NCK1: variants seen among roughly 807,000 people sequenced by gnomAD.
NCK1 encodes the protein NCK adaptor protein 1.
In NCK1, 19 loss-of-function variants were observed where a neutral mutation model predicts 36.6. The ratio of observed to expected loss-of-function variants is 0.52; its 90% CI spans 0.36 to 0.76. The LOEUF (loss-of-function observed/expected upper bound fraction) is 0.76. Ranked by LOEUF, NCK1 falls within the 30% of genes least tolerant of loss-of-function variation. The pLI is 0.00. For missense variants in NCK1, 358 were observed against 445.6 expected (o/e 0.80, Z 1.77); for synonymous variants, 165 against 156.0 (o/e 1.06, Z -0.43).
chr3:136,867,100 C>G (rs1261030325), intron 1 of NCK1, among the ~76,000 whole-genome samples: 2 of 38,792 alleles, frequency 5.2e-5, no homozygotes, highest in African/African-American at 1.8e-4. Context: ...TTCTTTCTTT[C>G]TTTCTTTCTT....
intron 1 of NCK1, among the ~76,000 whole-genome samples, chr3:136,864,965 GTT>G (rs1286640780): frequency 9.6e-6 from 1 of 104,458 alleles, no homozygotes; most frequent in Non-Finnish European, 2.1e-5. Flanking sequence ...TCTTTTGTTT[GTT>G]TTTTTTTTTG....
intron 1 of NCK1, among the ~76,000 whole-genome samples, chr3:136,901,050 A>G (rs968940899): frequency 2.9e-4 from 44 of 152,154 alleles, no homozygotes; most frequent in African/African-American, 1.0e-3. Flanking sequence ...CTGTTGTCAT[A>G]TATGACCTTT....
At position 136,948,954 on chromosome 3, in the gene NCK1, A is replaced by T. The variant is rs1284584491; in HGVS notation, c.*501A>T. ...AAATTAGAAATTATTTCCAGGTATTATATTTGTCACAGGCCATTGTAAATA... is the reference window on the plus strand; with the variant it reads ...AAATTAGAAATTATTTCCAGGTATTTTATTTGTCACAGGCCATTGTAAATA... On this transcript the variant is annotated 3_prime_UTR_variant, in exon 4 of 4. Coordinates refer to ENST00000481752, the MANE Select transcript of NCK1 (RefSeq NM_001291999.2). The T allele has an allele frequency of 6.6e-6, 1 of 152,480 alleles. No individual in the cohort carries two copies. Among genetic ancestry groups the T allele is most frequent in the Non-Finnish European group, 1.5e-5 (1 of 67,918 alleles). The allele number at this position is 152,480 out of a possible 1,614,324, so 9.4% of individuals were successfully genotyped here.
At chr3:136,940,160 G>A (rs1327077352) in intron 2 of NCK1, among the ~76,000 whole-genome samples, 1 of 152,128 alleles carries the variant, frequency 6.6e-6, no homozygotes, top group East Asian at 1.9e-4. Context: ...ACTGTGCCTG[G>A]CCTATTGAGC....
chr3:136,908,341 T>G (rs755386281), intron 1 of NCK1, among the ~76,000 whole-genome samples: 4 of 152,194 alleles, frequency 2.6e-5, no homozygotes, highest in African/African-American at 7.2e-5. Context: ...TATGCCTGGT[T>G]TAAATACAAA....
intron 1 of NCK1, among the ~76,000 whole-genome samples, chr3:136,923,019 T>C (rs1213054799): frequency 6.6e-6 from 1 of 152,138 alleles, no homozygotes; most frequent in African/African-American, 2.4e-5. Context: ...AAAGGAAGTC[T>C]CATGTGCTGC....
rs1940659161 is a variant in NCK1, at chr3:136,941,065, T to C, written c.227-4518T>C. On this transcript the variant is annotated intron_variant, in intron 2 of 3. Transcript: ENST00000481752. ...CTGCTATTTTGCTGTTTTCATTTACTTTTTTTTCTTTCAATTCTTCTATTA... is the reference window on the plus strand; with the variant it reads ...CTGCTATTTTGCTGTTTTCATTTACCTTTTTTTCTTTCAATTCTTCTATTA... Among the ~76,000 whole-genome samples, 3 of 151,804 alleles carry C rather than the reference T, an allele frequency of 2.0e-5. No homozygotes were observed. The South Asian group carries it at 6.2e-4, about 32-fold the overall frequency.
chr3:136,869,343 T>A (rs1938540568), intron 1 of NCK1, among the ~76,000 whole-genome samples: 2 of 152,208 alleles, frequency 1.3e-5, no homozygotes, highest in Admixed American at 6.5e-5. Context: ...TCCCAGGAGT[T>A]CGAGACCAGC....
rs1223798209 is a variant in NCK1 at position 136,867,129 on chromosome 3, TTTCC to T, written c.-19+4824_-19+4827del. Among the ~76,000 whole-genome samples, 56 of 30,684 alleles carry T rather than the reference TTTCC, an allele frequency of 1.8e-3. 3 individuals are homozygous for T. The highest frequency in any genetic ancestry group is 5.9e-3 in the African/African-American group (52 of 8,844). 20.1% of individuals were successfully genotyped at this position (30,684 alleles called of 152,430 possible). ...CTTTCTTTCTTTCTTTGTTTCTTTC[TTTCC>T]TTCCTTCCTTCCTTCCTTCCTTCCT... On this transcript the variant is annotated intron_variant, in intron 1 of 3. Transcript: ENST00000481752.
intron 1 of NCK1, among the ~76,000 whole-genome samples, chr3:136,886,138 A>T (rs187296482): frequency 6.6e-6 from 1 of 152,324 alleles, no homozygotes; most frequent in East Asian, 1.9e-4. Context: ...AATACTTAAG[A>T]TGGAAGCATG....
In NCK1 at chr3:136,928,030, A is replaced by C. The variant is rs933930959; in HGVS notation, c.29A>C (p.Lys10Thr). Residue 10 changes from lysine to threonine, a missense_variant, in exon 2 of 4, where the codon AAA (lysine) becomes ACA (threonine). This residue lies in a region of NCK1 where 143 missense variants were observed against 162.4 expected (regional missense o/e 0.88). Transcript: ENST00000481752. ...GCAGAAGAAGTGGTGGTAGTAGCCA[A>C]ATTTGATTATGTGGCCCAACAAGAA... MAEEVVVVA[K>T]FDYVAQQEQE... 3 of 1,614,110 alleles carry C rather than the reference A, an allele frequency of 1.9e-6. No homozygotes were observed. The highest frequency in any genetic ancestry group is 2.2e-5 in the East Asian group (1 of 44,866).
At chr3:136,938,219 T>A (rs1452857854) in intron 2 of NCK1, among the ~76,000 whole-genome samples, 1 of 152,232 alleles carries the variant, frequency 6.6e-6, no homozygotes, top group African/African-American at 2.4e-5. Flanking sequence ...GATTTTCATA[T>A]GTTGAACCAC....
At chr3:136,918,328 T>TA (rs1297776291) in intron 1 of NCK1, among the ~76,000 whole-genome samples, 1 of 149,442 alleles carries the variant, frequency 6.7e-6, no homozygotes, top group Non-Finnish European at 1.5e-5. Flanking sequence ...CAACCACAGG[T>TA]AAAAAATATT....
intron 1 of NCK1, among the ~76,000 whole-genome samples, chr3:136,909,206 G>A (rs1939771629): frequency 6.6e-6 from 1 of 152,214 alleles, no homozygotes; most frequent in African/African-American, 2.4e-5. Context: ...CAGTAAGAGA[G>A]AGGCAGAAGT....
intron 2 of NCK1, among the ~76,000 whole-genome samples, chr3:136,935,127 C>T (rs913575303): frequency 2.0e-5 from 3 of 152,202 alleles, no homozygotes; most frequent in Non-Finnish European, 4.4e-5. Flanking sequence ...TCTTGAACTC[C>T]TGGCCTCAGG....
At chr3:136,939,571 A>G (rs569903088) in intron 2 of NCK1, among the ~76,000 whole-genome samples, 1 of 151,712 alleles carries the variant, frequency 6.6e-6, no homozygotes, top group East Asian at 1.9e-4. Context: ...CTTCTTTTTT[A>G]TGCAAGCTTT....
chr3:136,885,268 T>G (rs1310038894), intron 1 of NCK1, among the ~76,000 whole-genome samples: 5 of 152,192 alleles, frequency 3.3e-5, no homozygotes, highest in Non-Finnish European at 5.9e-5. Flanking sequence ...GTTTGTTCTC[T>G]TCTTTAATGT....
chr3:136,909,687 A>G (rs1206474776), intron 1 of NCK1, among the ~76,000 whole-genome samples: 1 of 152,172 alleles, frequency 6.6e-6, no homozygotes, highest in Non-Finnish European at 1.5e-5. Flanking sequence ...TGAAGTTTCC[A>G]ATGATTACTG....
intron 1 of NCK1, among the ~76,000 whole-genome samples, chr3:136,925,401 G>A (rs1047434628): frequency 3.3e-5 from 5 of 152,050 alleles, no homozygotes; most frequent in Admixed American, 1.3e-4. Context: ...AACTTATTGC[G>A]AGATCCAGTG....
Sources: allele counts gnomAD v4.1 joint callset (sites outside exome capture counted in the v4.1 genomes callset), GRCh38; gene constraint gnomAD v4.1.1; regional missense constraint gnomAD v4.1.1; transcripts MANE v1.5; gene names NCBI Gene and HGNC (gene_info 2026-07-23, HGNC 2026-07-21).